The following PCDHGB6 variants were observed in gnomAD, a reference collection of about 807,000 sequenced individuals.
PCDHGB6 encodes protocadherin gamma subfamily B, 6, also known as protocadherin gamma-B6.
In PCDHGB6, 51 loss-of-function variants were observed where a neutral mutation model predicts 59.1. The observed-to-expected ratio is 0.86, with a 90% confidence interval of 0.69 to 1.09. The LOEUF is 1.09. PCDHGB6 is among the 50% of genes least tolerant of loss of function. The probability of loss-of-function intolerance (pLI) is 0.00; values close to 1 mark genes in which losing one functional copy is unlikely to be tolerated. For missense variants in PCDHGB6, 1,148 were observed against 1,205.1 expected, an observed-to-expected ratio of 0.95 and a Z score of 0.70; for synonymous variants, 466 against 495.1, an observed-to-expected ratio of 0.94 and a Z score of 0.78.
intron 1 of PCDHGB6, chr5:141,415,172 T>G (rs770772038): frequency 1.2e-6 from 2 of 1,613,882 alleles, no homozygotes; most frequent in Non-Finnish European, 1.7e-6. Context: ...ACGCTCACCG[T>G]GGCCGTGGCC....
intron 1 of PCDHGB6, 63 bp from the exon 2 acceptor site, chr5:141,494,744 G>T: frequency 6.2e-7 from 1 of 1,612,702 alleles, no homozygotes; most frequent in South Asian, 1.1e-5. Flanking sequence ...CATCCCTAGG[G>T]GCTCGGGTGA....
chr5:141,511,049 G>A lies in PCDHGB6; in HGVS notation c.2669G>A (p.Arg890His), dbSNP rs61749029. 408 of 1,614,098 alleles carry A rather than the reference G, an allele frequency of 2.5e-4. No individual in the cohort carries two copies. Among genetic ancestry groups the A allele is most frequent in the South Asian group, 7.2e-4 (66 of 91,094 alleles). Residue 890 changes from arginine (R) to histidine (H), a missense_variant, in exon 4 of 4, where the codon CGC becomes CAC. Around this residue, in one of 5 missense-constraint regions of PCDHGB6, gnomAD observed 283 missense variants for 318.6 expected, o/e 0.89. Transcript: ENST00000520790. ...QFTLQHVPDY[R>H]QNVYIPGSNA... ...ACCCTGCAGCACGTGCCCGACTACC[G>A]CCAGAATGTCTACATCCCAGGCAGC...
chr5:141,483,750 A>G (rs1453478545), intron 1 of PCDHGB6, among the ~76,000 whole-genome samples: 1 of 152,138 alleles, frequency 6.6e-6, no homozygotes, highest in African/African-American at 2.4e-5. Flanking sequence ...ATTCCTGAGG[A>G]TCGAGGCTTG....
chr5:141,423,423 G>C (rs1561809630), intron 1 of PCDHGB6: 2 of 1,614,096 alleles, frequency 1.2e-6, no homozygotes, highest in Non-Finnish European at 8.5e-7. Flanking sequence ...CTGAAGGCGG[G>C]TTGGCAGGTA....
intron 3 of PCDHGB6, among the ~76,000 whole-genome samples, chr5:141,507,918 G>C (rs1409126707): frequency 6.6e-6 from 1 of 152,208 alleles, no homozygotes; most frequent in Non-Finnish European, 1.5e-5. Flanking sequence ...CAGGCCTGTG[G>C]GGCTGCTGAG....
intron 1 of PCDHGB6, among the ~76,000 whole-genome samples, chr5:141,443,609 T>C (rs2098396115): frequency 1.3e-5 from 2 of 152,260 alleles, no homozygotes; most frequent in African/African-American, 4.8e-5. Flanking sequence ...GAAATGTTCT[T>C]ATAATCAGGT....
rs1379875429 is a variant in PCDHGB6 at position 141,491,125 on chromosome 5, C to T, written c.2419-3682C>T. 3.1e-6 allele frequency: 5 copies of T among 1,614,020 alleles called. No homozygotes were observed. The highest frequency in any genetic ancestry group is 4.2e-6 in the Non-Finnish European group (5 of 1,179,992). ...CGTGTCTACACACACTGGTGAGGTG[C>T]GCACAGCCCGGGCCTTACTGGAGGA... On this transcript the variant is annotated intron_variant, in intron 1 of 3. Coordinates refer to ENST00000520790, the MANE Select transcript of PCDHGB6 (RefSeq NM_018926.3). The surrounding 1 kb of genome is among the most constrained non-coding windows in gnomAD (Gnocchi z 6.9).
At chr5:141,436,181 T>C (rs1050736907) in intron 1 of PCDHGB6, among the ~76,000 whole-genome samples, 2 of 152,092 alleles carry the variant, frequency 1.3e-5, no homozygotes, top group African/African-American at 4.8e-5. Flanking sequence ...TCATATATAG[T>C]CAAATAGAAA....
intron 2 of PCDHGB6, among the ~76,000 whole-genome samples, chr5:141,497,894 A>AG (rs1562181617): frequency 2.0e-5 from 3 of 152,186 alleles, no homozygotes; most frequent in Admixed American, 6.5e-5. Context: ...GATCTAGTCC[A>AG]GTAACTTCAA....
chr5:141,472,494 C>T (rs561045783), intron 1 of PCDHGB6, among the ~76,000 whole-genome samples: 9 of 151,168 alleles, frequency 6.0e-5, no homozygotes, highest in South Asian at 2.1e-4. Context: ...GAGACGAGAT[C>T]GTGCCACTGC....
chr5:141,468,815 A>G (rs866523229), intron 1 of PCDHGB6, among the ~76,000 whole-genome samples: 7 of 151,958 alleles, frequency 4.6e-5, no homozygotes, highest in Middle Eastern at 3.4e-3. Context: ...GCAGTGAGCC[A>G]AGATCAAGCC....
intron 1 of PCDHGB6, chr5:141,475,801 A>G: frequency 3.2e-6 from 1 of 312,546 alleles, no homozygotes. Flanking sequence ...AGGAAGCCAA[A>G]GGAAAGTGAA....
At chr5:141,481,647 A>C (rs749515062) in intron 1 of PCDHGB6, among the ~76,000 whole-genome samples, 28 of 151,830 alleles carry the variant, frequency 1.8e-4, no homozygotes, top group African/African-American at 6.5e-4. Context: ...GTGAAACTTC[A>C]TCTCTACTAA....
At chr5:141,492,237 C>G (rs2099738580) in intron 1 of PCDHGB6, among the ~76,000 whole-genome samples, 1 of 152,206 alleles carries the variant, frequency 6.6e-6, no homozygotes, top group Admixed American at 6.5e-5. Flanking sequence ...TCCCTGCTGG[C>G]CACCCCCACG....
At chr5:141,498,958 A>T (rs1200201746) in intron 2 of PCDHGB6, among the ~76,000 whole-genome samples, 2 of 123,248 alleles carry the variant, frequency 1.6e-5, no homozygotes, top group Admixed American at 1.8e-4. Flanking sequence ...AAAGAGAGAG[A>T]GGGAGGGAGG....
At chr5:141,484,644 A>G (rs1165542601) in intron 1 of PCDHGB6, among the ~76,000 whole-genome samples, 1 of 151,748 alleles carries the variant, frequency 6.6e-6, no homozygotes, top group African/African-American at 2.4e-5. Flanking sequence ...CCACTCTCCA[A>G]TGGCTACTCT....
intron 1 of PCDHGB6, among the ~76,000 whole-genome samples, chr5:141,494,146 T>C (rs1167835696): frequency 1.3e-5 from 2 of 152,168 alleles, no homozygotes; most frequent in Non-Finnish European, 2.9e-5. Context: ...TCACAGACCA[T>C]TGTCTGGCAC....
chr5:141,499,457 T>G (rs1000400491), intron 2 of PCDHGB6, among the ~76,000 whole-genome samples: 1 of 152,214 alleles, frequency 6.6e-6, no homozygotes, highest in African/African-American at 2.4e-5. Context: ...CCCATCATTT[T>G]ACAATCTAGG....
chr5:141,471,790 C>T (rs1465283136), intron 1 of PCDHGB6, among the ~76,000 whole-genome samples: 1 of 152,068 alleles, frequency 6.6e-6, no homozygotes, highest in Non-Finnish European at 1.5e-5. Context: ...TATGCTATGT[C>T]ATATAAAAGA....
Sources: gnomAD v4.1 joint callset for allele counts (sites outside exome capture counted in the v4.1 genomes callset) on GRCh38, gnomAD v4.1.1 for gene constraint, gnomAD v4.1.1 regional missense constraint, Gnocchi (gnomAD v3.1) non-coding constraint, MANE v1.5 for transcripts, NCBI Gene and HGNC (gene_info 2026-07-23, HGNC 2026-07-21) for gene names.